MPHOSPH9: variants seen among roughly 807,000 people sequenced by gnomAD.
MPHOSPH9 encodes the protein M-phase phosphoprotein 9.
Under a neutral mutation model 145.5 loss-of-function variants are expected in MPHOSPH9, and 88 were observed. That is an observed-to-expected ratio of 0.60 (90% confidence interval 0.51 to 0.72). MPHOSPH9 has a LOEUF of 0.72. Ranked by LOEUF, MPHOSPH9 falls within the 30% of genes least tolerant of loss-of-function variation. MPHOSPH9 has a pLI of 0.00. For missense variants in MPHOSPH9, 1,238 were observed against 1,386.6 expected (o/e 0.89, Z 1.70); for synonymous variants, 435 against 486.2 (o/e 0.89, Z 1.39).
chr12:123,179,671 G>C (rs1397102819), intron 15 of MPHOSPH9, among the ~76,000 whole-genome samples: 1 of 148,226 alleles, frequency 6.7e-6, no homozygotes, highest in East Asian at 2.0e-4. Flanking sequence ...CTTGAGCCCA[G>C]GAATTCACAG....
At chr12:123,219,980 T>G (rs1173664271) in intron 5 of MPHOSPH9, among the ~76,000 whole-genome samples, 3 of 151,948 alleles carry the variant, frequency 2.0e-5, no homozygotes, top group Admixed American at 1.3e-4. Flanking sequence ...ACTACTAAAC[T>G]CTCAGGAGTT....
intron 7 of MPHOSPH9, among the ~76,000 whole-genome samples, chr12:123,214,262 GA>G (rs1264320195): frequency 2.6e-5 from 4 of 152,152 alleles, no homozygotes; most frequent in African/African-American, 9.7e-5. Flanking sequence ...AAGGTGGCTG[GA>G]CATGGTGGCT....
intron 1 of MPHOSPH9, among the ~76,000 whole-genome samples, chr12:123,238,318 G>A (rs1416842974): frequency 2.0e-5 from 3 of 152,136 alleles, no homozygotes; most frequent in Admixed American, 2.0e-4. Flanking sequence ...AACATTGCAC[G>A]TTGGTCTGTT....
intron 8 of MPHOSPH9, among the ~76,000 whole-genome samples, chr12:123,208,904 T>A (rs1427783700): frequency 6.6e-6 from 1 of 152,092 alleles, no homozygotes; most frequent in Non-Finnish European, 1.5e-5. Flanking sequence ...CAGAATTTTT[T>A]AAAAGTGGAA....
intron 10 of MPHOSPH9, 47 bp downstream of exon 10, chr12:123,202,577 T>C (rs1276198430): frequency 6.6e-7 from 1 of 1,509,672 alleles, no homozygotes; most frequent in Non-Finnish European, 9.0e-7. Flanking sequence ...CAATCAGATA[T>C]CACAGAAAAT....
chr12:123,207,419 G>C (rs1346021937), intron 8 of MPHOSPH9, among the ~76,000 whole-genome samples: 1 of 152,026 alleles, frequency 6.6e-6, no homozygotes, highest in Non-Finnish European at 1.5e-5. Flanking sequence ...CGGAACATTG[G>C]TTTCCGTCAC....
At chr12:123,230,727 C>G (rs903010707) in intron 1 of MPHOSPH9, among the ~76,000 whole-genome samples, 2 of 152,116 alleles carry the variant, frequency 1.3e-5, no homozygotes, top group East Asian at 3.8e-4. Context: ...ATTCATAGAA[C>G]AGGATAGGAT....
chr12:123,178,454 C>T (rs1193890853), intron 15 of MPHOSPH9, among the ~76,000 whole-genome samples: 1 of 152,124 alleles, frequency 6.6e-6, no homozygotes, highest in East Asian at 1.9e-4. Flanking sequence ...AAATAAGGGA[C>T]GTTACTTATA....
chr12:123,240,830 T>G (rs1477866723), intron 1 of MPHOSPH9: 1 of 148,594 alleles, frequency 6.7e-6, no homozygotes, highest in Non-Finnish European at 1.5e-5. Flanking sequence ...GACTCCCGAG[T>G]TGAAGCGATT....
intron 20 of MPHOSPH9, 78 bp downstream of exon 20, chr12:123,162,936 T>C: frequency 2.9e-6 from 4 of 1,359,932 alleles, no homozygotes; most frequent in Non-Finnish European, 3.9e-6. Flanking sequence ...AAATTAGTGA[T>C]AGCTAGAGAC....
At position 123,201,547 on chromosome 12, in the gene MPHOSPH9, C is replaced by T. The variant is rs61955271; in HGVS notation, c.1937+617G>A. On this transcript the variant is annotated intron_variant, in intron 11 of 23. Transcript: ENST00000606320. ...GGTACACGCCACCATGCCCAACTAA[C>T]GTTTTAATTTTTTGTAGAGACAGGG... Among the ~76,000 whole-genome samples the T allele has an allele frequency of 4.1e-3, 627 of 151,932 alleles. 5 individuals carry two copies. The highest frequency in any genetic ancestry group is 6.3e-3 in the Admixed American group (96 of 15,212).
Position 123,166,641 on chromosome 12 carries a change from C to A in MPHOSPH9, c.2591+14G>T, listed in dbSNP as rs2044333325. On this transcript the variant is annotated intron_variant, in intron 17 of 23. Coordinates refer to ENST00000606320, the MANE Select transcript of MPHOSPH9 (RefSeq NM_022782.4). ...TAACATCCCTAAATAGAATCTTTAG[C>A]AAAGTTATCTCACCCTAGGCTACAG... is the stretch of plus-strand genomic sequence containing the variant. The A allele has an allele frequency of 1.9e-6, 3 of 1,608,510 alleles. No individual in the cohort carries two copies. The highest frequency in any genetic ancestry group is 1.3e-5 in the African/African-American group (1 of 74,608).
intron 7 of MPHOSPH9, among the ~76,000 whole-genome samples, chr12:123,213,602 G>T (rs1413479311): frequency 3.3e-5 from 5 of 152,170 alleles, no homozygotes. Flanking sequence ...GACTCTCAAA[G>T]TGCTGGGATT....
intron 7 of MPHOSPH9, among the ~76,000 whole-genome samples, chr12:123,210,412 G>A (rs766490814): frequency 6.6e-6 from 1 of 151,908 alleles, no homozygotes; most frequent in Non-Finnish European, 1.5e-5. Flanking sequence ...CATATTTTTG[G>A]CCAGGCATGG....
chr12:123,211,682 TTC>T (rs1454579907), intron 7 of MPHOSPH9, among the ~76,000 whole-genome samples: 7 of 140,930 alleles, frequency 5.0e-5, no homozygotes, highest in Admixed American at 1.7e-4. Flanking sequence ...AATAGACAAT[TTC>T]TTTTTTTTTT....
At chr12:123,187,944 G>A (rs1431146983) in intron 13 of MPHOSPH9, among the ~76,000 whole-genome samples, 1 of 152,072 alleles carries the variant, frequency 6.6e-6, no homozygotes, top group Non-Finnish European at 1.5e-5. Flanking sequence ...TGGCCAACAT[G>A]GTGAAACTGT....
chr12:123,208,547 A>AG (rs933355366), intron 8 of MPHOSPH9, among the ~76,000 whole-genome samples: 2 of 151,788 alleles, frequency 1.3e-5, no homozygotes, highest in African/African-American at 4.8e-5. Context: ...AAAAAAAAAA[A>AG]AAAGAATACA....
downstream of MPHOSPH9, chr12:123,152,813 T>A (rs2043800940): frequency 3.7e-6 from 1 of 268,338 alleles, no homozygotes; most frequent in Non-Finnish European, 7.5e-6. Flanking sequence ...TGGTCCCTCA[T>A]GACAGGTAAA....
At chr12:123,223,477 G>A (rs944725289) in intron 3 of MPHOSPH9, among the ~76,000 whole-genome samples, 5 of 152,056 alleles carry the variant, frequency 3.3e-5, no homozygotes, top group Admixed American at 1.3e-4. Flanking sequence ...TGTCTCCTAC[G>A]CACCTCTCCA....
Sources: gnomAD v4.1 joint callset for allele counts (sites outside exome capture counted in the v4.1 genomes callset) on GRCh38, gnomAD v4.1.1 for gene constraint, MANE v1.5 for transcripts, NCBI Gene and HGNC (gene_info 2026-07-23, HGNC 2026-07-21) for gene names.